The following SMYD3 variants were observed in gnomAD, a reference collection of about 807,000 sequenced individuals.
The protein encoded by SMYD3 is SET and MYND domain containing 3, also known as histone-lysine N-methyltransferase SMYD3.
In SMYD3, 36 loss-of-function variants were observed where a neutral mutation model predicts 57.7. That is an observed-to-expected ratio of 0.62 (90% confidence interval 0.48 to 0.82). The LOEUF (loss-of-function observed/expected upper bound fraction) is 0.82, where lower values mean the gene tolerates loss of function less well. Ranked by LOEUF, SMYD3 falls within the 40% of genes least tolerant of loss-of-function variation. SMYD3 has a pLI of 0.00. For synonymous variants in SMYD3, 211 were observed against 195.0 expected (o/e 1.08, Z -0.68); for missense variants, 515 against 538.8 (o/e 0.96, Z 0.44).
intron 5 of SMYD3, among the ~76,000 whole-genome samples, chr1:245,959,721 C>T (rs1669053322): frequency 6.6e-6 from 1 of 152,176 alleles, no homozygotes; most frequent in African/African-American, 2.4e-5. Flanking sequence ...TAAAGCATAA[C>T]ATTCACAGAA....
chr1:245,948,244 G>C (rs187439232), intron 5 of SMYD3, among the ~76,000 whole-genome samples: 15 of 152,062 alleles, frequency 9.9e-5, no homozygotes, highest in African/African-American at 3.1e-4. Flanking sequence ...GGACGGAATC[G>C]CAACTGGAAA....
chr1:246,216,710 G>A (rs10924562), intron 5 of SMYD3, among the ~76,000 whole-genome samples: 40,376 of 151,938 alleles, frequency 0.27, 6,105 homozygotes, highest in East Asian at 0.58. Flanking sequence ...TATTTAAAAA[G>A]AGAACATTAA....
At chr1:246,258,206 T>C (rs1213096129) in intron 5 of SMYD3, among the ~76,000 whole-genome samples, 1 of 152,010 alleles carries the variant, frequency 6.6e-6, no homozygotes, top group Non-Finnish European at 1.5e-5. Flanking sequence ...CTGGCTAATT[T>C]TTGTATTTTT....
intron 5 of SMYD3, among the ~76,000 whole-genome samples, chr1:246,037,485 G>A (rs756279453): frequency 1.3e-5 from 2 of 152,172 alleles, no homozygotes; most frequent in Non-Finnish European, 2.9e-5. Flanking sequence ...CAGGTGGAAG[G>A]AGAGATATCT....
chr1:246,470,093 C>A (rs1437230390), intron 1 of SMYD3, among the ~76,000 whole-genome samples: 1 of 152,180 alleles, frequency 6.6e-6, no homozygotes, highest in Non-Finnish European at 1.5e-5. Context: ...TATAAAATAA[C>A]TGACTTGCAT....
At chr1:246,462,431 G>A (rs113928425) in intron 1 of SMYD3, among the ~76,000 whole-genome samples, 1 of 152,234 alleles carries the variant, frequency 6.6e-6, no homozygotes, top group African/African-American at 2.4e-5. Flanking sequence ...ACTCCATGGG[G>A]GCCTGGCCTC....
intron 1 of SMYD3, among the ~76,000 whole-genome samples, chr1:246,457,361 G>A (rs1195870168): frequency 5.3e-5 from 8 of 151,558 alleles, no homozygotes; most frequent in Non-Finnish European, 1.0e-4. Context: ...GTGAAACCCC[G>A]TCTCTATTAA....
rs76848947 is a variant in SMYD3, at chr1:246,395,672, A to G, written c.165-40578T>C. ...CAGACAGGGAAGACGAACCCACCACAGTCAGACAGGGAAGACGAACCCACC... is the reference window on the plus strand; with the variant it reads ...CAGACAGGGAAGACGAACCCACCACGGTCAGACAGGGAAGACGAACCCACC... On this transcript the variant is annotated intron_variant, in intron 1 of 11. Transcript: ENST00000490107. Among the ~76,000 whole-genome samples, 122 of 70,764 alleles carry G rather than the reference A, an allele frequency of 1.7e-3. 1 individual carries two copies. Among genetic ancestry groups the G allele is most frequent in the East Asian group, 0.012 (22 of 1,908 alleles). 46.4% of individuals were successfully genotyped at this position (70,764 alleles called of 152,430 possible).
At chr1:246,468,870 G>A (rs2067919359) in intron 1 of SMYD3, among the ~76,000 whole-genome samples, 1 of 152,016 alleles carries the variant, frequency 6.6e-6, no homozygotes, top group African/African-American at 2.4e-5. Flanking sequence ...TAGGTACTTA[G>A]GAGGCTAAGG....
intron 10 of SMYD3, among the ~76,000 whole-genome samples, chr1:245,769,579 G>A (rs981943120): frequency 6.6e-6 from 1 of 152,208 alleles, no homozygotes; most frequent in Non-Finnish European, 1.5e-5. Context: ...AGATGTAACA[G>A]CCAAATACGA....
At chr1:245,918,937 T>G (rs1172991073) in intron 7 of SMYD3, among the ~76,000 whole-genome samples, 2 of 152,178 alleles carry the variant, frequency 1.3e-5, no homozygotes, top group Non-Finnish European at 2.9e-5. Context: ...GAAAAAAATG[T>G]GCTTGACTAA....
chr1:245,903,736 G>A (rs1409214814), intron 8 of SMYD3, among the ~76,000 whole-genome samples: 1 of 152,190 alleles, frequency 6.6e-6, no homozygotes, highest in Non-Finnish European at 1.5e-5. Flanking sequence ...TGTAACTGGG[G>A]CTTGCATCCC....
At position 246,202,472 on chromosome 1, in the gene SMYD3, G is replaced by C. The variant is rs2062936836; in HGVS notation, c.531+124729C>G. Among the ~76,000 whole-genome samples, 1 of 152,250 alleles carries C rather than the reference G, an allele frequency of 6.6e-6. No homozygotes were observed. Among genetic ancestry groups the C allele is most frequent in the Non-Finnish European group, 1.5e-5 (1 of 67,998 alleles). ...CCCAGGCTGGGCCTTGACTCTGCCT[G>C]CAAGAATTCAGCTGGAACCGAGTCA... On this transcript the variant is annotated intron_variant, in intron 5 of 11. Transcript: ENST00000490107. The surrounding 1 kb of genome is among the most constrained non-coding windows in gnomAD (Gnocchi z 4.1).
intron 8 of SMYD3, among the ~76,000 whole-genome samples, chr1:245,883,034 C>T (rs1424043684): frequency 1.3e-5 from 2 of 152,068 alleles, no homozygotes; most frequent in Non-Finnish European, 2.9e-5. Flanking sequence ...AGACTGATAC[C>T]CAGTAATTGC....
At chr1:246,368,544 T>C (rs1047319852) in intron 1 of SMYD3, among the ~76,000 whole-genome samples, 1 of 152,200 alleles carries the variant, frequency 6.6e-6, no homozygotes, top group Non-Finnish European at 1.5e-5. Flanking sequence ...CCTAGTAACA[T>C]GTCTTAATTA....
chr1:245,908,815 A>T (rs1286215375), intron 8 of SMYD3, among the ~76,000 whole-genome samples: 1 of 152,034 alleles, frequency 6.6e-6, no homozygotes, highest in Non-Finnish European at 1.5e-5. Flanking sequence ...CAGCAAAAGT[A>T]GTGTTAAGAT....
chr1:246,373,307 T>C (rs926510585), intron 1 of SMYD3, among the ~76,000 whole-genome samples: 1 of 152,154 alleles, frequency 6.6e-6, no homozygotes, highest in Non-Finnish European at 1.5e-5. Flanking sequence ...GTGTCTAGTC[T>C]AACGCAGGGC....
intron 5 of SMYD3, among the ~76,000 whole-genome samples, chr1:246,224,566 C>T (rs1352959772): frequency 1.3e-5 from 2 of 151,078 alleles, no homozygotes; most frequent in African/African-American, 2.4e-5. Context: ...GCAGGGATTA[C>T]CTAATTCATA....
chr1:246,022,344 G>A (rs775397166), intron 5 of SMYD3, among the ~76,000 whole-genome samples: 3 of 152,106 alleles, frequency 2.0e-5, no homozygotes, highest in Admixed American at 6.5e-5. Flanking sequence ...GGAAAATGAG[G>A]GCCAATGTCT....
Sources: gnomAD v4.1 joint callset for allele counts (sites outside exome capture counted in the v4.1 genomes callset) on GRCh38, gnomAD v4.1.1 for gene constraint, Gnocchi (gnomAD v3.1) non-coding constraint, MANE v1.5 for transcripts, NCBI Gene and HGNC (gene_info 2026-07-23, HGNC 2026-07-21) for gene names.